The following ARL5A variants were observed in gnomAD, a reference collection of about 807,000 sequenced individuals.
The protein encoded by ARL5A is ADP-ribosylation factor-like protein 5A.
In ARL5A, 18 loss-of-function variants were observed where a neutral mutation model predicts 25.9. The ratio of observed to expected loss-of-function variants is 0.69; its 90% confidence interval spans 0.48 to 1.03. ARL5A has a LOEUF of 1.03. Ranked by LOEUF, ARL5A falls within the 50% of genes least tolerant of loss-of-function variation. The probability of loss-of-function intolerance (pLI) is 0.00; values close to 1 mark genes in which losing one functional copy is unlikely to be tolerated. For synonymous variants in ARL5A, 61 were observed against 67.5 expected, an observed-to-expected ratio of 0.90 and a Z score of 0.47; for missense variants, 170 against 211.9, an observed-to-expected ratio of 0.80 and a Z score of 1.23.
chr2:151,814,018 C>T, intron 3 of ARL5A, 151 bp downstream of exon 3: 1 of 618,818 alleles, frequency 1.6e-6, no homozygotes, highest in African/African-American at 1.9e-5. Context: ...TGAACAATGA[C>T]CTTGGAATAG....
At position 151,814,182 on chromosome 2, in the gene ARL5A, T is replaced by TCC; in HGVS notation, c.241_242insGG (p.Tyr81TrpfsTer8). 6.3e-7 allele frequency: 1 copy of TCC among 1,597,658 alleles called. No homozygotes were observed. Among genetic ancestry groups the TCC allele is most frequent in the Non-Finnish European group, 8.5e-7 (1 of 1,175,324 alleles). Reference sequence around the variant, plus strand: ...AAGAAACATTACCTCTGTGTTAGTATAGTAAGTGTTCCAGGAAGAACGAAG... The same window carrying TCC: ...AAGAAACATTACCTCTGTGTTAGTATCCAGTAAGTGTTCCAGGAAGAACGAAG... On this transcript the variant is annotated frameshift_variant, in exon 3 of 6. Transcript: ENST00000295087. LOFTEE classifies it high-confidence loss of function.
intron 5 of ARL5A, among the ~76,000 whole-genome samples, chr2:151,804,284 G>T (rs531487170): frequency 2.6e-5 from 4 of 152,210 alleles, no homozygotes; most frequent in African/African-American, 9.6e-5. Flanking sequence ...TATAGAAAAC[G>T]ATGTTCACTG....
chr2:151,825,548 A>T (rs1285664378), intron 1 of ARL5A, among the ~76,000 whole-genome samples: 1 of 152,228 alleles, frequency 6.6e-6, no homozygotes, highest in Non-Finnish European at 1.5e-5. Context: ...CTCAGTATCA[A>T]CTAAATGTGA....
chr2:151,805,906 T>C (rs1453859072), intron 5 of ARL5A, among the ~76,000 whole-genome samples: 1 of 152,132 alleles, frequency 6.6e-6, no homozygotes. Flanking sequence ...TGGTCCTCCT[T>C]TTAGCTTTTT....
chr2:151,827,935 C>A, intron 1 of ARL5A, 196 bp downstream of exon 1: 1 of 587,556 alleles, frequency 1.7e-6, no homozygotes, highest in Non-Finnish European at 3.0e-6. Context: ...AGACAAAGGG[C>A]TGCGAGTCAG....
chr2:151,810,832 T>C (rs958430378), intron 4 of ARL5A, among the ~76,000 whole-genome samples: 7 of 152,102 alleles, frequency 4.6e-5, no homozygotes, highest in Non-Finnish European at 7.4e-5. Flanking sequence ...AAAGATATAG[T>C]CCAGAGACAA....
Position 151,826,215 on chromosome 2 carries a change from C to G in ARL5A, c.46+1916G>C, listed in dbSNP as rs1246552859. On this transcript the variant is annotated intron_variant, in intron 1 of 5. Coordinates refer to ENST00000295087, the MANE Select transcript of ARL5A (RefSeq NM_012097.4). ...AGTGACCCTATTGATAAGACAGCCA[C>G]ACTGTTTAGCAGAAAATAAATAATT... Among the ~76,000 whole-genome samples the G allele has an allele frequency of 2.0e-5, 3 of 152,202 alleles. No individual in the cohort carries two copies. The South Asian group carries it at 6.2e-4, about 31-fold the overall frequency.
intron 5 of ARL5A, among the ~76,000 whole-genome samples, chr2:151,804,130 T>C (rs1378499688): frequency 1.3e-5 from 2 of 152,162 alleles, no homozygotes; most frequent in African/African-American, 4.8e-5. Flanking sequence ...CAACAAAATA[T>C]ATATTGTAGT....
intron 5 of ARL5A, among the ~76,000 whole-genome samples, chr2:151,804,996 A>AAT (rs1352835350): frequency 6.6e-6 from 1 of 152,214 alleles, no homozygotes; most frequent in East Asian, 1.9e-4. Flanking sequence ...AAATTGAGTT[A>AAT]ATATCTATAC....
At position 151,801,618 on chromosome 2, in the gene ARL5A, C is replaced by T. The variant is rs1382885593; in HGVS notation, c.*1658G>A. The T allele has an allele frequency of 6.6e-6, 1 of 152,024 alleles. No individual in the cohort carries two copies. Among genetic ancestry groups the T allele is most frequent in the Non-Finnish European group, 1.5e-5 (1 of 67,922 alleles). The allele number at this position is 152,024 out of a possible 1,614,324, so 9.4% of individuals were successfully genotyped here. A position where few individuals can be genotyped will look rare whatever the true frequency, so the allele number is the denominator to read the frequency against. ...AACATTATAAATATAAAACATAAAA[C>T]ATCCAATGTTAAATACTGATATCCC... On this transcript the variant is annotated 3_prime_UTR_variant, in exon 6 of 6. Transcript: ENST00000295087.
At chr2:151,825,531 A>G (rs970092520) in intron 1 of ARL5A, among the ~76,000 whole-genome samples, 2 of 152,224 alleles carry the variant, frequency 1.3e-5, no homozygotes, top group African/African-American at 2.4e-5. Context: ...TTTGTACTCT[A>G]CTGAATCTCA....
In ARL5A at chr2:151,828,206, C is replaced by T. The variant is rs746123936; in HGVS notation, c.-30G>A. 4 of 1,600,416 alleles carry T rather than the reference C, an allele frequency of 2.5e-6. No individual in the cohort carries two copies. The African/African-American group carries it at 4.1e-5, about 16-fold the overall frequency. ...GGGCAGCGGACCCCCCCCCTCCAGACACCCGGGCCGCCTGGCTTCCCCCGG... is the reference window on the plus strand; with the variant it reads ...GGGCAGCGGACCCCCCCCCTCCAGATACCCGGGCCGCCTGGCTTCCCCCGG... On this transcript the variant is annotated 5_prime_UTR_variant, in exon 1 of 6. Transcript: ENST00000295087.
At chr2:151,819,927 G>A (rs1250734225) in intron 1 of ARL5A, among the ~76,000 whole-genome samples, 1 of 152,136 alleles carries the variant, frequency 6.6e-6, no homozygotes, top group Non-Finnish European at 1.5e-5. Context: ...ATGGTGGCGT[G>A]AGCCTATAGT....
chr2:151,804,794 G>A (rs2099829881), intron 5 of ARL5A, among the ~76,000 whole-genome samples: 1 of 152,160 alleles, frequency 6.6e-6, no homozygotes, highest in Non-Finnish European at 1.5e-5. Flanking sequence ...AAAAGTAGGA[G>A]TCAAATGAAG....
At chr2:151,819,401 A>G (rs2099831948) in intron 1 of ARL5A, among the ~76,000 whole-genome samples, 1 of 152,218 alleles carries the variant, frequency 6.6e-6, no homozygotes, top group Admixed American at 6.5e-5. Flanking sequence ...TTAAAGTGGG[A>G]GATGAGCCAC....
At chr2:151,806,628 TTA>T (rs1473137076) in intron 5 of ARL5A, among the ~76,000 whole-genome samples, 191 bp downstream of exon 5, 9 of 152,174 alleles carry the variant, frequency 5.9e-5, no homozygotes, top group Non-Finnish European at 1.3e-4. Context: ...TTTATGTGTA[TTA>T]TGTTTATATT....
At chr2:151,814,530 T>C (rs2099831252) in intron 2 of ARL5A, among the ~76,000 whole-genome samples, 1 of 152,130 alleles carries the variant, frequency 6.6e-6, no homozygotes, top group African/African-American at 2.4e-5. Context: ...GGAAACTTTA[T>C]AGTTTCTACT....
At chr2:151,815,069 T>C in intron 2 of ARL5A, 70 bp downstream of exon 2, 1 of 1,162,894 alleles carries the variant, frequency 8.6e-7, no homozygotes, top group East Asian at 2.6e-5. Context: ...ACTGCATTCA[T>C]TGATCGACTA....
In ARL5A at chr2:151,815,195, G is replaced by T; in HGVS notation, c.51C>A (p.His17Gln). 1 of 1,604,374 alleles carries T rather than the reference G, an allele frequency of 6.2e-7. No individual in the cohort carries two copies. The highest frequency in any genetic ancestry group is 1.3e-5 in the African/African-American group (1 of 74,472). ...RIWRLFNHQE[H>Q]KVIIVGLDNA... is the part of the protein sequence containing the mutation. The stretch of plus-strand genomic sequence containing the variant: ...TATCCAGCCCAACAATGATAACTTT[G>T]TGCTCTGAAATAGAGAAAACACCAG... The change falls in exon 2 of 6, where the codon CAC (histidine) becomes CAA (glutamine). Residue 17 changes from histidine to glutamine, a missense_variant. Transcript: ENST00000295087.
Sources: gnomAD v4.1 joint callset for allele counts (sites outside exome capture counted in the v4.1 genomes callset) on GRCh38, gnomAD v4.1.1 for gene constraint, MANE v1.5 for transcripts, NCBI Gene and HGNC (gene_info 2026-07-23, HGNC 2026-07-21) for gene names.